The following SOX6 variants were observed in gnomAD, a reference collection of about 807,000 sequenced individuals.
The protein encoded by SOX6 is transcription factor SOX-6.
A neutral mutation model predicts 97.8 loss-of-function variants in SOX6; 11 were observed. The ratio of observed to expected loss-of-function variants is 0.11; its 90% CI spans 0.07 to 0.19. The LOEUF (loss-of-function observed/expected upper bound fraction) is 0.19, where lower values mean the gene tolerates loss of function less well. Among genes scored for constraint, SOX6 ranks in the 10% least tolerant of loss-of-function variants. SOX6 has a pLI of 1.00. For synonymous variants in SOX6, 360 were observed against 371.4 expected (o/e 0.97, Z 0.35); for missense variants, 810 against 1,039.5 (o/e 0.78, Z 3.04).
At chr11:16,165,214 A>C (rs1850855630) in intron 6 of SOX6, among the ~76,000 whole-genome samples, 1 of 152,200 alleles carries the variant, frequency 6.6e-6, no homozygotes, top group African/African-American at 2.4e-5. Context: ...GAGCTAAAAT[A>C]CTTAATCTAT....
At chr11:16,535,840 C>T (rs1326782253) in intron 4 of SOX6, among the ~76,000 whole-genome samples, 1 of 152,174 alleles carries the variant, frequency 6.6e-6, no homozygotes, top group Non-Finnish European at 1.5e-5. Flanking sequence ...CTATCAGAAG[C>T]TTAATAGACA....
rs149111570 is a variant in SOX6, at chr11:16,077,566, G to A, written c.1101+18430C>T. Among the ~76,000 whole-genome samples the A allele has an allele frequency of 3.1e-3, 477 of 152,138 alleles. 3 individuals carry two copies. Among genetic ancestry groups the A allele is most frequent in the African/African-American group, 9.5e-3 (394 of 41,514 alleles). Reference sequence around the variant, plus strand: ...AGTCATGGAATCAACCTAAATGCCCGTCATAGTAGACTTGATAAAGAAAAT... The same window carrying A: ...AGTCATGGAATCAACCTAAATGCCCATCATAGTAGACTTGATAAAGAAAAT... On this transcript the variant is annotated intron_variant, in intron 9 of 15. Transcript: ENST00000683767.
intron 1 of SOX6, among the ~76,000 whole-genome samples, chr11:16,385,574 T>A (rs1322530755): frequency 6.6e-6 from 1 of 152,010 alleles, no homozygotes; most frequent in Non-Finnish European, 1.5e-5. Context: ...AAAGAAAAAA[T>A]TTTAAAAAAT....
intron 9 of SOX6, among the ~76,000 whole-genome samples, chr11:16,088,079 C>T (rs898402093): frequency 6.6e-6 from 1 of 152,048 alleles, no homozygotes; most frequent in Non-Finnish European, 1.5e-5. Context: ...AATTTTTTTG[C>T]TGAGTAATTG....
chr11:16,637,247 G>C (rs566729588), intron 3 of SOX6, among the ~76,000 whole-genome samples: 2 of 152,208 alleles, frequency 1.3e-5, no homozygotes, highest in African/African-American at 4.8e-5. Flanking sequence ...TTGAGATGCA[G>C]TCTTGCTCTA....
chr11:16,246,269 T>A (rs531859247), intron 3 of SOX6, among the ~76,000 whole-genome samples: 5 of 151,834 alleles, frequency 3.3e-5, no homozygotes, highest in Non-Finnish European at 5.9e-5. Flanking sequence ...TTCTATAGAA[T>A]CAATCATATT....
intron 3 of SOX6, among the ~76,000 whole-genome samples, chr11:16,277,051 A>G (rs1397230454): frequency 1.3e-5 from 2 of 152,170 alleles, no homozygotes; most frequent in Non-Finnish European, 2.9e-5. Flanking sequence ...GGGAGAAGCT[A>G]TATATGTTAA....
intron 12 of SOX6, among the ~76,000 whole-genome samples, chr11:16,030,304 C>T (rs1310902266): frequency 5.3e-5 from 8 of 152,172 alleles, no homozygotes; most frequent in African/African-American, 1.9e-4. Context: ...ATGTTTGAAG[C>T]ACTCACACTT....
At chr11:16,527,138 G>A (rs1288528468) in intron 4 of SOX6, among the ~76,000 whole-genome samples, 1 of 151,882 alleles carries the variant, frequency 6.6e-6, no homozygotes, top group African/African-American at 2.4e-5. Flanking sequence ...TTACTTTAAA[G>A]AGGCTCATAA....
At chr11:16,498,570 C>G (rs11517753) in intron 4 of SOX6, among the ~76,000 whole-genome samples, 16 of 152,048 alleles carry the variant, frequency 1.1e-4, no homozygotes, top group African/African-American at 1.9e-4. Context: ...ACCCATCTCA[C>G]GTGCAGAGAC....
chr11:16,005,232 C>A (rs972708445), intron 13 of SOX6, among the ~76,000 whole-genome samples: 6 of 151,858 alleles, frequency 4.0e-5, no homozygotes, highest in Non-Finnish European at 5.9e-5. Context: ...CTTAATGGAG[C>A]CTCTCTTCTT....
chr11:16,248,254 T>C (rs774881478), intron 3 of SOX6, among the ~76,000 whole-genome samples: 1 of 151,040 alleles, frequency 6.6e-6, no homozygotes, highest in Non-Finnish European at 1.5e-5. Context: ...TCTGTGGCTT[T>C]ACCAGGCACA....
intron 4 of SOX6, among the ~76,000 whole-genome samples, chr11:16,501,944 C>T (rs186673610): frequency 0.019 from 2,821 of 152,250 alleles, 35 homozygotes; most frequent in Non-Finnish European, 0.03. Flanking sequence ...CCATTTGACC[C>T]AGCCATCCCG....
chr11:16,000,715 AGTGT>A (rs59042959), intron 13 of SOX6, among the ~76,000 whole-genome samples: 1 of 151,796 alleles, frequency 6.6e-6, no homozygotes, highest in East Asian at 1.9e-4. Flanking sequence ...AGAGGATGAC[AGTGT>A]GTGTGTGTGT....
At chr11:16,259,945 A>ATGTGTGTGTGTGTG (rs5789946) in intron 3 of SOX6, among the ~76,000 whole-genome samples, 5 of 149,146 alleles carry the variant, frequency 3.4e-5, no homozygotes, top group South Asian at 4.3e-4. Context: ...TGTCCCAAAT[A>ATGTGTGTGTGTGTG]TGTGTGTGTG....
intron 3 of SOX6, among the ~76,000 whole-genome samples, chr11:16,310,715 ATACT>A (rs1484946911): frequency 1.3e-5 from 2 of 152,086 alleles, no homozygotes; most frequent in Non-Finnish European, 2.9e-5. Flanking sequence ...GTTTTAATGA[ATACT>A]TAAAGTGTTT....
chr11:16,013,053 A>C (rs1041530134), intron 13 of SOX6, among the ~76,000 whole-genome samples: 1 of 152,032 alleles, frequency 6.6e-6, no homozygotes, highest in East Asian at 1.9e-4. Flanking sequence ...ATGATTTTTA[A>C]CTTACCAAGC....
rs191206708 is a variant in SOX6 at position 16,254,396 on chromosome 11, A to G, written c.446-19725T>C. Among the ~76,000 whole-genome samples, 332 of 152,252 alleles carry G rather than the reference A, an allele frequency of 2.2e-3. 6 individuals are homozygous for G. Among genetic ancestry groups the G allele is most frequent in the Non-Finnish European group, 3.4e-4 (23 of 67,948 alleles). ...TATATTACATTCATATATATTACAT[A>G]CATGTATAGTTATACATAAGAATAT... On this transcript the variant is annotated intron_variant, in intron 3 of 15. Transcript: ENST00000683767.
intron 4 of SOX6, among the ~76,000 whole-genome samples, chr11:16,493,663 A>G (rs1442264232): frequency 6.6e-6 from 1 of 152,202 alleles, no homozygotes; most frequent in Non-Finnish European, 1.5e-5. Flanking sequence ...AAGGTTAAAA[A>G]CAAGTTTTTC....
Sources: allele counts gnomAD v4.1 joint callset (sites outside exome capture counted in the v4.1 genomes callset), GRCh38; gene constraint gnomAD v4.1.1; transcripts MANE v1.5; gene names NCBI Gene and HGNC (gene_info 2026-07-23, HGNC 2026-07-21).